The following NRXN3 variants were observed in gnomAD, a reference collection of about 807,000 sequenced individuals.
The protein encoded by NRXN3 is neurexin III.
Under a neutral mutation model 137.6 loss-of-function variants are expected in NRXN3, and 32 were observed. That is an observed-to-expected ratio of 0.23 (90% CI 0.18 to 0.31). The LOEUF (loss-of-function observed/expected upper bound fraction) is 0.31, where lower values mean the gene tolerates loss of function less well. NRXN3 is among the 10% of genes least tolerant of loss of function. NRXN3 has a pLI of 1.00. For synonymous variants in NRXN3, 798 were observed against 784.5 expected, an observed-to-expected ratio of 1.02 and a Z score of -0.29; for missense variants, 1,574 against 2,062.5, an observed-to-expected ratio of 0.76 and a Z score of 4.59.
chr14:78,332,536 G>A (rs546120409), intron 4 of NRXN3, among the ~76,000 whole-genome samples: 7 of 151,938 alleles, frequency 4.6e-5, no homozygotes, highest in African/African-American at 7.3e-5. Flanking sequence ...GGCTCGTTTC[G>A]AATTCCTGAC....
intron 19 of NRXN3, among the ~76,000 whole-genome samples, chr14:79,801,569 G>A (rs2099181167): frequency 6.6e-6 from 1 of 151,314 alleles, no homozygotes; most frequent in South Asian, 2.1e-4. Flanking sequence ...CACATCCCAG[G>A]TCACTTTCTG....
At chr14:79,791,682 T>G (rs1040230460) in intron 19 of NRXN3, among the ~76,000 whole-genome samples, 23 of 152,026 alleles carry the variant, frequency 1.5e-4, no homozygotes, top group Non-Finnish European at 3.2e-4. Flanking sequence ...AGCTGATTGC[T>G]GCAGCTCCAC....
chr14:78,400,519 G>T (rs547379251), intron 4 of NRXN3, among the ~76,000 whole-genome samples: 158 of 152,266 alleles, frequency 1.0e-3, no homozygotes, highest in Non-Finnish European at 1.9e-3. Flanking sequence ...TTTCTAAAAG[G>T]TACCGCAAAA....
intron 16 of NRXN3, among the ~76,000 whole-genome samples, chr14:79,596,883 G>A (rs536604877): frequency 2.0e-5 from 3 of 152,228 alleles, no homozygotes; most frequent in Admixed American, 6.5e-5. Context: ...GGTGGTGCTT[G>A]TCCAAGATAG....
intron 4 of NRXN3, among the ~76,000 whole-genome samples, chr14:78,448,619 C>T (rs1248397923): frequency 1.3e-5 from 2 of 152,118 alleles, no homozygotes; most frequent in Non-Finnish European, 2.9e-5. Context: ...TTGCAATTCA[C>T]GGACACCGGA....
chr14:79,395,061 C>A (rs1365372336), intron 15 of NRXN3, among the ~76,000 whole-genome samples: 1 of 152,168 alleles, frequency 6.6e-6, no homozygotes, highest in Non-Finnish European at 1.5e-5. Flanking sequence ...ATTGTCTTCA[C>A]TATTGAGTAC....
intron 4 of NRXN3, among the ~76,000 whole-genome samples, chr14:78,453,580 A>G (rs559770303): frequency 1.3e-5 from 2 of 152,358 alleles, no homozygotes; most frequent in East Asian, 3.9e-4. Flanking sequence ...AGCATAAGAA[A>G]GAGCATCCTA....
chr14:78,810,103 G>A (rs1294740649), intron 9 of NRXN3, among the ~76,000 whole-genome samples: 4 of 149,854 alleles, frequency 2.7e-5, no homozygotes, highest in Non-Finnish European at 4.4e-5. Context: ...GTATATATAT[G>A]TGTGTGTGTG....
chr14:78,269,494 T>C (rs2072359870), intron 2 of NRXN3, among the ~76,000 whole-genome samples: 1 of 152,178 alleles, frequency 6.6e-6, no homozygotes, highest in South Asian at 2.1e-4. Context: ...TTTTGCAAGA[T>C]GGAAAGTGTG....
At position 78,990,390 on chromosome 14, in the gene NRXN3, A is replaced by G. The variant is rs1598297900; in HGVS notation, c.3262+2249A>G. On this transcript the variant is annotated intron_variant, in intron 15 of 20. Transcript: ENST00000335750. ...TTTTTTTTTTTTTTTTTTTTTTGAG[A>G]CGGAGTCTCATTCTGCTATTGCCCG... Among the ~76,000 whole-genome samples the G allele has an allele frequency of 4.1e-5, 4 of 97,038 alleles. No individual in the cohort carries two copies. The East Asian group carries it at 1.0e-3, about 25-fold the overall frequency. The allele number at this position is 97,038 out of a possible 152,430, so 63.7% of individuals were successfully genotyped here.
rs182137781 is a variant in NRXN3, at chr14:79,417,027, G to A, written c.3263-50194G>A. Among the ~76,000 whole-genome samples the A allele has an allele frequency of 2.6e-5, 4 of 152,216 alleles. No individual in the cohort carries two copies. The East Asian group carries it at 7.7e-4, about 29-fold the overall frequency. ...GTAGAGAATAGAACTTACAAACATA[G>A]CCTTGGAGTGAGAAAGATCTGGAAA... On this transcript the variant is annotated intron_variant, in intron 15 of 20. Transcript: ENST00000335750.
At chr14:78,532,372 ATT>A (rs1407121785) in intron 4 of NRXN3, among the ~76,000 whole-genome samples, 1 of 93,054 alleles carries the variant, frequency 1.1e-5, no homozygotes, top group South Asian at 4.4e-4. Context: ...AATTGATGAT[ATT>A]TTGTGTGTGT....
chr14:79,379,966 A>G (rs2094418579), intron 15 of NRXN3, among the ~76,000 whole-genome samples: 1 of 151,860 alleles, frequency 6.6e-6, no homozygotes, highest in Non-Finnish European at 1.5e-5. Context: ...TGGGAATCCC[A>G]TAGACCTAAA....
At chr14:79,765,464 CT>C (rs1237028148) in intron 19 of NRXN3, among the ~76,000 whole-genome samples, 1 of 152,162 alleles carries the variant, frequency 6.6e-6, no homozygotes, top group Non-Finnish European at 1.5e-5. Flanking sequence ...ATTCGTTTGG[CT>C]TATGTGCTCT....
intron 15 of NRXN3, among the ~76,000 whole-genome samples, chr14:79,019,863 A>G (rs1054784828): frequency 1.3e-5 from 2 of 152,132 alleles, no homozygotes; most frequent in African/African-American, 4.8e-5. Flanking sequence ...GGAAACCAAG[A>G]CAGGACTGTA....
chr14:79,112,553 C>G (rs141108004), intron 15 of NRXN3, among the ~76,000 whole-genome samples: 1 of 152,184 alleles, frequency 6.6e-6, no homozygotes, highest in Admixed American at 6.5e-5. Flanking sequence ...AAAGAACTGG[C>G]ATCTTTGCTG....
chr14:78,460,988 A>G (rs1177044981), intron 4 of NRXN3, among the ~76,000 whole-genome samples: 1 of 152,190 alleles, frequency 6.6e-6, no homozygotes, highest in African/African-American at 2.4e-5. Context: ...GCCTGTTGGC[A>G]TATGTCTAAA....
At chr14:79,695,439 T>C (rs1416295590) in intron 18 of NRXN3, among the ~76,000 whole-genome samples, 1 of 151,938 alleles carries the variant, frequency 6.6e-6, no homozygotes, top group Non-Finnish European at 1.5e-5. Context: ...AGCAGTTGTG[T>C]GCATGGAAAG....
intron 19 of NRXN3, among the ~76,000 whole-genome samples, chr14:79,764,821 C>G (rs2099050813): frequency 6.6e-6 from 1 of 152,288 alleles, no homozygotes; most frequent in East Asian, 1.9e-4. Flanking sequence ...TTCACCTATA[C>G]AGACCTGTTC....
Sources: gnomAD v4.1 joint callset for allele counts (sites outside exome capture counted in the v4.1 genomes callset) on GRCh38, gnomAD v4.1.1 for gene constraint, MANE v1.5 for transcripts, NCBI Gene and HGNC (gene_info 2026-07-23, HGNC 2026-07-21) for gene names.